The following SBNO2 variants were observed in gnomAD, a reference collection of about 807,000 sequenced individuals.
The protein encoded by SBNO2 is protein strawberry notch homolog 2.
In SBNO2, 89 loss-of-function variants were observed where a neutral mutation model predicts 146.3. The observed-to-expected ratio is 0.61, with a 90% confidence interval of 0.51 to 0.73. The LOEUF is 0.73. SBNO2 is among the 30% of genes least tolerant of loss of function. The pLI is 0.00. For missense variants in SBNO2, 2,092 were observed against 2,003.7 expected (o/e 1.04, Z -0.84); for synonymous variants, 1,147 against 892.6 (o/e 1.29, Z -5.08).
Position 1,126,773 on chromosome 19 carries a change from G to A in SBNO2, c.441+831C>T, listed in dbSNP as rs1045199220. Among the ~76,000 whole-genome samples the A allele has an allele frequency of 1.3e-5, 2 of 152,232 alleles. No homozygotes were observed. The highest frequency in any genetic ancestry group is 1.9e-4 in the East Asian group (1 of 5,198). Reference sequence around the variant, plus strand: ...GCTCAGTCCCAGAGACATGTCCAACGTCTGCTCCCAAAGTCTAGAAGCTTC... The same window carrying A: ...GCTCAGTCCCAGAGACATGTCCAACATCTGCTCCCAAAGTCTAGAAGCTTC... On this transcript the variant is annotated intron_variant, in intron 5 of 31. Coordinates refer to ENST00000361757, the MANE Select transcript of SBNO2 (RefSeq NM_014963.3). This position sits in a 1 kb window ranked among gnomAD's most constrained non-coding sequence, Gnocchi z 4.4.
In SBNO2 at chr19:1,119,545, A is replaced by G; in HGVS notation, c.1344T>C (p.Phe448=). 1.2e-6 allele frequency: 2 copies of G among 1,610,462 alleles called. No individual in the cohort carries two copies. The highest frequency in any genetic ancestry group is 8.5e-7 in the Non-Finnish European group (1 of 1,178,560). The change falls in exon 13 of 32, where the codon TTT becomes TTC. Residue 448 remains phenylalanine (F), a synonymous_variant. Transcript: ENST00000361757. ...TCTCGATGGCGTGCAGGAACTCCTC[A>G]AAGTTCCGGAAGGGTGTGCCCTCGC... ...IWGEGTPFRN[F]EEFLHAIEKR... is the part of the protein sequence containing the mutation.
chr19:1,130,977 A>G (rs926669027), intron 4 of SBNO2, among the ~76,000 whole-genome samples: 1 of 152,184 alleles, frequency 6.6e-6, no homozygotes, highest in Non-Finnish European at 1.5e-5. Flanking sequence ...GATTAGGGAC[A>G]GAGGGAGACG....
chr19:1,170,316 G>T (rs916132122), intron 1 of SBNO2, among the ~76,000 whole-genome samples: 1 of 152,194 alleles, frequency 6.6e-6, no homozygotes, highest in Non-Finnish European at 1.5e-5. Context: ...CAGCAGGGAG[G>T]CAAGGTGACC....
At chr19:1,170,324 ACCACGGGGCTGG>A (rs1322862761) in intron 1 of SBNO2, among the ~76,000 whole-genome samples, 1 of 152,152 alleles carries the variant, frequency 6.6e-6, no homozygotes, top group Non-Finnish European at 1.5e-5. Context: ...AGGCAAGGTG[ACCACGGGGCTGG>A]CAGTCTGCTC....
intron 4 of SBNO2, among the ~76,000 whole-genome samples, chr19:1,133,372 T>C (rs1008140967): frequency 6.6e-6 from 1 of 151,856 alleles, no homozygotes; most frequent in African/African-American, 2.4e-5. Context: ...CTCGGGACAG[T>C]TCTGGGCTTG....
intron 16 of SBNO2, 44 bp downstream of exon 16, chr19:1,116,769 CAGAGAGGGGTGGCCAT>C (rs2079836667): frequency 6.9e-7 from 1 of 1,444,352 alleles, no homozygotes; most frequent in Non-Finnish European, 9.4e-7. Context: ...CAGGTGGCCA[CAGAGAGGGGTGGCCAT>C]GAGCGCAGGA....
chr19:1,154,080 C>T (rs1599872171), intron 2 of SBNO2, 104 bp downstream of exon 2: 2 of 502,526 alleles, frequency 4.0e-6, no homozygotes, highest in South Asian at 1.0e-4. Flanking sequence ...GATCACGCCG[C>T]GTCCACTGGG....
intron 17 of SBNO2, chr19:1,115,416 T>C (rs183624215): frequency 8.6e-5 from 13 of 151,702 alleles, no homozygotes; most frequent in African/African-American, 2.4e-4. Flanking sequence ...AATTTTTGTA[T>C]TTTTAGTAGA....
intron 2 of SBNO2, among the ~76,000 whole-genome samples, chr19:1,152,300 T>C (rs2080249714): frequency 6.6e-6 from 1 of 152,198 alleles, no homozygotes; most frequent in African/African-American, 2.4e-5. Flanking sequence ...TTCGCTTAAT[T>C]ATTTCCCCAC....
chr19:1,170,079 C>T (rs1453949361), intron 1 of SBNO2, among the ~76,000 whole-genome samples: 1 of 152,220 alleles, frequency 6.6e-6, no homozygotes, highest in Non-Finnish European at 1.5e-5. Flanking sequence ...TGGCCTTTTG[C>T]GTCTGGCGTC....
intron 13 of SBNO2, 133 bp from the exon 14 acceptor site, chr19:1,119,297 T>C (rs937768128): frequency 6.8e-6 from 8 of 1,169,704 alleles, no homozygotes; most frequent in Admixed American, 4.6e-5. Context: ...CTGAGGCAGT[T>C]GGCAGCTGAG....
In SBNO2 at chr19:1,150,903, T is replaced by C. The variant is rs2080236693; in HGVS notation, c.94-1461A>G. Among the ~76,000 whole-genome samples the C allele has an allele frequency of 6.6e-6, 1 of 151,610 alleles. No homozygotes were observed. Among genetic ancestry groups the C allele is most frequent in the African/African-American group, 2.4e-5 (1 of 41,260 alleles). ...GCCCTCGGGGTGACCGCTGCCCCGC[T>C]CCTCCAGCTTTTGCATAAAATAAGT... On this transcript the variant is annotated intron_variant, in intron 2 of 31. Transcript: ENST00000361757. This position sits in a 1 kb window ranked among gnomAD's most constrained non-coding sequence, Gnocchi z 6.2.
chr19:1,165,485 C>A (rs2080404586), intron 1 of SBNO2, among the ~76,000 whole-genome samples: 1 of 152,118 alleles, frequency 6.6e-6, no homozygotes, highest in African/African-American at 2.4e-5. Context: ...TGGTTGCTGG[C>A]ACTCAGTCCC....
At chr19:1,162,477 C>T (rs935269045) in intron 1 of SBNO2, among the ~76,000 whole-genome samples, 11 of 149,092 alleles carry the variant, frequency 7.4e-5, no homozygotes, top group African/African-American at 2.4e-4. Context: ...AAAAAAGAAA[C>T]GCTGTTGGGG....
chr19:1,110,573 G>C lies in SBNO2; in HGVS notation c.3028+172C>G. ...AGCCCCGAGCCCACCTGGGATGCCC[G>C]GCGTTCCCACGAGCCCCTCGCCCAC... On this transcript the variant is annotated intron_variant, in intron 26 of 31. Transcript: ENST00000361757. This position sits in a 1 kb window ranked among gnomAD's most constrained non-coding sequence, Gnocchi z 4.9. 1 of 659,282 alleles carries C rather than the reference G, an allele frequency of 1.5e-6. No homozygotes were observed. The highest frequency in any genetic ancestry group is 2.3e-6 in the Non-Finnish European group (1 of 442,696). The allele number at this position is 659,282 out of a possible 1,614,324, so 40.8% of individuals were successfully genotyped here. A position where few individuals can be genotyped will look rare whatever the true frequency, so the allele number is the denominator to read the frequency against.
rs376068749 is a variant in SBNO2, at chr19:1,127,669, C to T, written c.376G>A (p.Ala126Thr). 6.2e-7 allele frequency: 1 copy of T among 1,613,500 alleles called. No homozygotes were observed. Among genetic ancestry groups the T allele is most frequent in the Non-Finnish European group, 8.5e-7 (1 of 1,179,850 alleles). Residue 126 changes from alanine to threonine, a missense_variant, in exon 5 of 32, where the codon GCT (alanine) becomes ACT (threonine). By Grantham distance (58) the Ala-to-Thr change is moderately conservative. Coordinates refer to ENST00000361757, the MANE Select transcript of SBNO2 (RefSeq NM_014963.3). ...GTGGACACCTGGTTGAGGCTGTCAGCCGGCAGGAAGTCGGGCGTGTCCACG... is the reference window on the plus strand; with the variant it reads ...GTGGACACCTGGTTGAGGCTGTCAGTCGGCAGGAAGTCGGGCGTGTCCACG... The part of the protein sequence containing the change: ...DIVDTPDFLP[A>T]DSLNQVSTIW...
At chr19:1,162,722 G>A (rs923642147) in intron 1 of SBNO2, among the ~76,000 whole-genome samples, 6 of 152,198 alleles carry the variant, frequency 3.9e-5, no homozygotes, top group Non-Finnish European at 8.8e-5. Context: ...CCCAGAGCTG[G>A]TCTAGCCCCT....
Position 1,122,712 on chromosome 19 carries a change from G to A in SBNO2, c.860C>T (p.Thr287Met), listed in dbSNP as rs1022469569. 22 of 1,536,348 alleles carry A rather than the reference G, an allele frequency of 1.4e-5. No individual in the cohort carries two copies. The highest frequency in any genetic ancestry group is 2.4e-5 in the East Asian group (1 of 40,902). Residue 287 changes from threonine to methionine, a missense_variant, in exon 9 of 32, where the codon ACG becomes ATG. Transcript: ENST00000361757. The part of the protein sequence containing the change: ...GDGAGVGKGR[T>M]VAGVILENHL... ...GTTCTCCAGGATGACTCCGGCCACC[G>A]TCCGGCCTTTGCCCACGCCGGCCCC...
At chr19:1,149,569 C>A in intron 2 of SBNO2, 127 bp from the exon 3 acceptor site, 1 of 801,902 alleles carries the variant, frequency 1.2e-6, no homozygotes, top group South Asian at 1.6e-5. Flanking sequence ...CCCATCCCGC[C>A]CCTGCTGGTA....
Sources: gnomAD v4.1 joint callset for allele counts (sites outside exome capture counted in the v4.1 genomes callset) on GRCh38, gnomAD v4.1.1 for gene constraint, Gnocchi (gnomAD v3.1) non-coding constraint, MANE v1.5 for transcripts, NCBI Gene and HGNC (gene_info 2026-07-23, HGNC 2026-07-21) for gene names.